Variants in COL6A3 observed in about 807,000 individuals in gnomAD.
COL6A3 encodes collagen alpha-3(VI) chain.
In COL6A3, 137 loss-of-function variants were observed where a neutral mutation model predicts 274.1. The ratio of observed to expected loss-of-function variants is 0.50; its 90% CI spans 0.44 to 0.58. The LOEUF is 0.58. Ranked by LOEUF, COL6A3 falls within the 20% of genes least tolerant of loss-of-function variation. The probability of loss-of-function intolerance (pLI) is 0.00; values close to 1 mark genes in which losing one functional copy is unlikely to be tolerated. For synonymous variants in COL6A3, 1,650 were observed against 1,650.6 expected, an observed-to-expected ratio of 1.00 and a Z score of 0.01; for missense variants, 3,950 against 4,124.9, an observed-to-expected ratio of 0.96 and a Z score of 1.16.
Position 237,376,753 on chromosome 2 carries a change from T to G in COL6A3, c.3070+19A>C, listed in dbSNP as rs1282937436. On this transcript the variant is annotated intron_variant, in intron 7 of 43. Transcript: ENST00000295550. ...TTAGAGAACTGAGTGGCAGAGCAAC[T>G]AGCATTTCTCTACCATACCTGGTGC... 1 of 1,609,860 alleles carries G rather than the reference T, an allele frequency of 6.2e-7. No individual in the cohort carries two copies. Among genetic ancestry groups the G allele is most frequent in the African/African-American group, 1.3e-5 (1 of 74,840 alleles).
At position 237,334,651 on chromosome 2, in the gene COL6A3, G is replaced by A. The variant is rs770772278; in HGVS notation, c.9204C>T (p.Ala3068=). ...TTGTACTGAAACTTCCGTGGTAGGTGGCTCTGACCTGAGACCTCAGGTAGC... is the reference window on the plus strand; with the variant it reads ...TTGTACTGAAACTTCCGTGGTAGGTAGCTCTGACCTGAGACCTCAGGTAGC... ...VVCYLRSQVR[A]TYHGSFSTKK... The change falls in exon 41 of 44, where the codon GCC becomes GCT. Residue 3068 remains alanine, a synonymous_variant. Transcript: ENST00000295550. 7.4e-6 allele frequency: 12 copies of A among 1,613,576 alleles called. No homozygotes were observed. The East Asian group carries it at 2.7e-4, about 36-fold the overall frequency.
At position 237,364,922 on chromosome 2, in the gene COL6A3, TGTGTGTGC is replaced by T. The variant is rs1362470085; in HGVS notation, c.5839-502_5839-495del. Among the ~76,000 whole-genome samples, 12 of 151,224 alleles carry T rather than the reference TGTGTGTGC, an allele frequency of 7.9e-5. No homozygotes were observed. The highest frequency in any genetic ancestry group is 2.9e-5 in the Non-Finnish European group (2 of 67,844). On this transcript the variant is annotated intron_variant, in intron 12 of 43. Transcript: ENST00000295550. The surrounding 1 kb of genome is among the most constrained non-coding windows in gnomAD (Gnocchi z 4.6). The stretch of plus-strand genomic sequence containing the variant: ...ATGTGTGTGGGTGCATGTCTGTGGG[TGTGTGTGC>T]GTGTGTGCATGTGTGCATGTGTTAT...
intron 38 of COL6A3, 147 bp from the exon 39 acceptor site, chr2:237,339,264 C>T (rs1029850467): frequency 1.5e-6 from 1 of 668,930 alleles, no homozygotes; most frequent in South Asian, 1.8e-5. Context: ...AAACTATGTC[C>T]AGTGATTTTA....
At chr2:237,349,802 T>G (rs1233725089) in intron 28 of COL6A3, among the ~76,000 whole-genome samples, 1 of 152,200 alleles carries the variant, frequency 6.6e-6, no homozygotes, top group Non-Finnish European at 1.5e-5. Flanking sequence ...CAAATGACAT[T>G]TACTTCTTTG....
chr2:237,352,389 G>A (rs2077225383), intron 26 of COL6A3, 133 bp downstream of exon 26: 1 of 881,586 alleles, frequency 1.1e-6, no homozygotes, highest in Non-Finnish European at 1.9e-6. Flanking sequence ...TTAAATCTGG[G>A]GTTTTTGTTG....
rs766395668 is a variant in COL6A3 at position 237,324,734 on chromosome 2, CCTT to C, written c.*37_*39del. The C allele has an allele frequency of 4.9e-5, 79 of 1,605,844 alleles. No individual in the cohort carries two copies. The African/African-American group carries it at 7.2e-4, about 15-fold the overall frequency. On this transcript the variant is annotated 3_prime_UTR_variant, in exon 44 of 44. Coordinates refer to ENST00000295550, the MANE Select transcript of COL6A3 (RefSeq NM_004369.4). ...AGAGACAAGTTGGCGATGGCTGACT[CCTT>C]CTTCTTCAAGAGGTATATGATGTTG... is the stretch of plus-strand genomic sequence containing the variant.
chr2:237,350,966 G>A (rs1289892983), intron 27 of COL6A3, among the ~76,000 whole-genome samples, 164 bp downstream of exon 27: 2 of 152,184 alleles, frequency 1.3e-5, no homozygotes, highest in South Asian at 2.1e-4. Context: ...GGATTGTTGG[G>A]GGACAATGAT....
chr2:237,379,257 AAAGT>A, intron 5 of COL6A3, 22 bp from the exon 6 acceptor site: 5 of 1,614,110 alleles, frequency 3.1e-6, no homozygotes, highest in Non-Finnish European at 4.2e-6. Flanking sequence ...CACAGAAAAA[AAAGT>A]GAGACATACA....
In COL6A3 at chr2:237,368,772, C is replaced by A; in HGVS notation, c.4691G>T (p.Arg1564Leu). 1 of 1,614,198 alleles carries A rather than the reference C, an allele frequency of 6.2e-7. No homozygotes were observed. Among genetic ancestry groups the A allele is most frequent in the Non-Finnish European group, 8.5e-7 (1 of 1,180,026 alleles). ...CCCTAAACTCACAATGCCCGAGGAA[C>A]GGATCACCTGGGCGAACCTGGACAC... ...DDVSRFAQVI[R>L]SSGIVSLGVG... The change falls in exon 10 of 44, where the codon CGT becomes CTT. Residue 1564 changes from arginine (R) to leucine (L), a missense_variant. By Grantham distance (102) the Arg-to-Leu change is moderately radical (BLOSUM62 -2). Coordinates refer to ENST00000295550, the MANE Select transcript of COL6A3 (RefSeq NM_004369.4). The surrounding 1 kb of genome is among the most constrained non-coding windows in gnomAD (Gnocchi z 4.4).
chr2:237,401,555 ACT>A (rs1489119049), intron 1 of COL6A3, among the ~76,000 whole-genome samples: 7 of 152,032 alleles, frequency 4.6e-5, no homozygotes, highest in African/African-American at 1.7e-4. Context: ...GCTCAGCCAC[ACT>A]CTGAGCACAG....
chr2:237,345,095 C>T lies in COL6A3; in HGVS notation c.7126-1G>A, dbSNP rs112375991. 1 of 1,614,110 alleles carries T rather than the reference C, an allele frequency of 6.2e-7. No individual in the cohort carries two copies. The highest frequency in any genetic ancestry group is 8.5e-7 in the Non-Finnish European group (1 of 1,179,994). On this transcript the variant is annotated splice_acceptor_variant, in intron 33 of 43. Coordinates refer to ENST00000295550, the MANE Select transcript of COL6A3 (RefSeq NM_004369.4). LOFTEE classifies it high-confidence loss of function. ...TGATGCTTTGGATGAGGGCACATTG[C>T]TTTAAAAGAAAATAAAAGAATATGT...
chr2:237,365,988 T>C lies in COL6A3; in HGVS notation c.5548A>G (p.Asn1850Asp). The C allele has an allele frequency of 6.2e-7, 1 of 1,613,952 alleles. No individual in the cohort carries two copies. Among genetic ancestry groups the C allele is most frequent in the Non-Finnish European group, 8.5e-7 (1 of 1,180,028 alleles). Residue 1850 changes from asparagine (N) to aspartate (D), a missense_variant, in exon 12 of 44, where the codon AAT (asparagine) becomes GAT (aspartate). This residue lies in a region of COL6A3 where 632 missense variants were observed against 623.4 expected (regional missense o/e 1.01). Transcript: ENST00000295550. Reference protein sequence around the residue: ...ILGFDGSRDQNVFVAQKGFES... With the variant: ...ILGFDGSRDQDVFVAQKGFES... ...AAGCCCTTCTGGGCCACAAAAACAT[T>C]CTGGTCTCTAGAACCATCAAACCCC...
intron 42 of COL6A3, among the ~76,000 whole-genome samples, chr2:237,332,608 C>T (rs1333752308): frequency 1.3e-5 from 2 of 152,140 alleles, no homozygotes; most frequent in Non-Finnish European, 2.9e-5. Context: ...AGACGATACA[C>T]CAAAAAATAA....
Position 237,352,500 on chromosome 2 carries a change from G to A in COL6A3, c.6753+22C>T. The A allele has an allele frequency of 1.9e-6, 3 of 1,605,832 alleles. No individual in the cohort carries two copies. In the South Asian group the frequency reaches 3.4e-5, roughly 18 times the overall value. ...TGCCCTCTGTTCAGCTAGAGAGGGG[G>A]CTGGTATTAGGACAGGCTTACCCGA... On this transcript the variant is annotated intron_variant, in intron 26 of 43. Transcript: ENST00000295550.
Position 237,365,946 on chromosome 2 carries a change from C to A in COL6A3, c.5590G>T (p.Ala1864Ser), listed in dbSNP as rs756521643. 1.9e-6 allele frequency: 3 copies of A among 1,613,944 alleles called. No individual in the cohort carries two copies. Among genetic ancestry groups the A allele is most frequent in the Non-Finnish European group, 1.7e-6 (2 of 1,179,994 alleles). The change falls in exon 12 of 44, where the codon GCC (alanine) becomes TCC (serine). Residue 1864 changes from alanine to serine, a missense_variant. Ala to Ser is a moderately conservative substitution (Grantham distance 99). This residue lies in a region of COL6A3 where 632 missense variants were observed against 623.4 expected (regional missense o/e 1.01). Transcript: ENST00000295550. ...ATCTGGCTGATTCTGTTCAAGATGG[C>A]GTCCACCTTGGACTCGAAGCCCTTC... ...AQKGFESKVDAILNRISQMHR... is the reference protein window; with the variant it reads ...AQKGFESKVDSILNRISQMHR...
chr2:237,329,699 C>G (rs1315321329), intron 42 of COL6A3: 1 of 152,174 alleles, frequency 6.6e-6, no homozygotes, highest in Non-Finnish European at 1.5e-5. Context: ...CAACCAAATA[C>G]TGTATTGTAT....
intron 42 of COL6A3, among the ~76,000 whole-genome samples, chr2:237,332,087 A>G (rs1230658027): frequency 1.8e-4 from 5 of 28,486 alleles, no homozygotes; most frequent in Non-Finnish European, 2.9e-4. Context: ...ATATATATAT[A>G]TATATATATA....
chr2:237,336,220 T>TGCA lies in COL6A3; in HGVS notation c.8877_8879dup (p.Ala2960dup), dbSNP rs35879189. 81 of 1,613,976 alleles carry TGCA rather than the reference T, an allele frequency of 5.0e-5. No individual in the cohort carries two copies. In the South Asian group the frequency reaches 5.2e-4, roughly 10 times the overall value. On this transcript the variant is annotated inframe_insertion, in exon 40 of 44. Transcript: ENST00000295550. ...CCTCAGGCTTGGTCGCCACTGGTTT[T>TGCA]GCAGCAGCAGCAGCGGGGGGTCTTA...
In COL6A3 at chr2:237,356,212, C is replaced by T. The variant is rs535885132; in HGVS notation, c.6591+1126G>A. Among the ~76,000 whole-genome samples, 4 of 152,300 alleles carry T rather than the reference C, an allele frequency of 2.6e-5. No homozygotes were observed. The East Asian group carries it at 7.7e-4, about 29-fold the overall frequency. ...GTCATTTCATGAAACCAAGTTTTGGCTCTGCTCACACGCTGAGTTGTAATA... is the reference window on the plus strand; with the variant it reads ...GTCATTTCATGAAACCAAGTTTTGGTTCTGCTCACACGCTGAGTTGTAATA... On this transcript the variant is annotated intron_variant, in intron 23 of 43. Coordinates refer to ENST00000295550, the MANE Select transcript of COL6A3 (RefSeq NM_004369.4).
Sources: gnomAD v4.1 joint callset for allele counts (sites outside exome capture counted in the v4.1 genomes callset) on GRCh38, gnomAD v4.1.1 for gene constraint, gnomAD v4.1.1 regional missense constraint, Gnocchi (gnomAD v3.1) non-coding constraint, MANE v1.5 for transcripts, NCBI Gene and HGNC (gene_info 2026-07-23, HGNC 2026-07-21) for gene names.